Variants in NICOL1 observed in about 807,000 individuals in gnomAD.
NICOL1 encodes NELL2-interacting cell ontogeny regulator 1.
the NICOL1 span, chr4:2,042,064 C>G: frequency 2.8e-5 from 42 of 1,477,990 alleles, no homozygotes; most frequent in Non-Finnish European, 3.6e-5. Flanking sequence ...GGTCCCTGAA[C>G]CGCGGTAAGG....
the NICOL1 span, among the ~76,000 whole-genome samples, chr4:2,043,215 G>A: frequency 6.6e-6 from 1 of 152,182 alleles, no homozygotes; most frequent in Admixed American, 6.5e-5. Context: ...AGGATGTGGC[G>A]AAAGTGTCAG....
At chr4:2,037,714 A>G in the NICOL1 span, among the ~76,000 whole-genome samples, 1 of 152,148 alleles carries the variant, frequency 6.6e-6, no homozygotes, top group Non-Finnish European at 1.5e-5. Context: ...GTAATTTGAA[A>G]TCTTAAAGTT....
the NICOL1 span, chr4:2,041,880 G>A: frequency 3.4e-6 from 4 of 1,160,262 alleles, no homozygotes; most frequent in Admixed American, 8.0e-5. Context: ...CCAGGGCCAG[G>A]CACACCCGAT....
the NICOL1 span, among the ~76,000 whole-genome samples, chr4:2,037,398 C>T: frequency 1.3e-5 from 2 of 152,316 alleles, no homozygotes; most frequent in African/African-American, 4.8e-5. Context: ...TCAGCCAATA[C>T]ACTTCTAAAT....
the NICOL1 span, among the ~76,000 whole-genome samples, chr4:2,038,118 T>C: frequency 3.3e-5 from 5 of 150,456 alleles, no homozygotes; most frequent in African/African-American, 1.2e-4. Context: ...TTTTCACTTA[T>C]ATTTTTGTTA....
chr4:2,041,893 C>T, the NICOL1 span: 2 of 1,267,794 alleles, frequency 1.6e-6, no homozygotes, highest in Non-Finnish European at 2.1e-6. Context: ...CACCCGATTC[C>T]TGGAGCGTCC....
the NICOL1 span, among the ~76,000 whole-genome samples, chr4:2,043,594 C>G: frequency 6.6e-6 from 1 of 152,130 alleles, no homozygotes; most frequent in Non-Finnish European, 1.5e-5. Context: ...ACAGTGGACC[C>G]CTGCGGGTGG....
chr4:2,037,742 A>G, the NICOL1 span, among the ~76,000 whole-genome samples: 2 of 152,062 alleles, frequency 1.3e-5, no homozygotes, highest in South Asian at 4.1e-4. Flanking sequence ...GATAAATTAA[A>G]TGATATTCAT....
the NICOL1 span, chr4:2,042,584 C>A: frequency 0.23 from 113,894 of 497,836 alleles, 14,036 homozygotes; most frequent in East Asian, 0.35. Context: ...CGCCTTTGTT[C>A]CCGGGAGCGG....
chr4:2,041,648 A>C, the NICOL1 span: 1 of 254,676 alleles, frequency 3.9e-6, no homozygotes, highest in Non-Finnish European at 7.5e-6. Flanking sequence ...GTCGGAGGCC[A>C]AGCGTTTGCA....
the NICOL1 span, chr4:2,042,023 T>A: frequency 6.8e-7 from 1 of 1,472,786 alleles, no homozygotes. Flanking sequence ...ACGCGGAACG[T>A]CTGCCGGTGT....
the NICOL1 span, chr4:2,041,912 T>G: frequency 1.1e-5 from 15 of 1,388,454 alleles, no homozygotes; most frequent in Non-Finnish European, 1.3e-5. Context: ...CCTAGGTTCC[T>G]CTAAACCCGC....
chr4:2,042,495 G>A, the NICOL1 span: 2 of 414,610 alleles, frequency 4.8e-6, no homozygotes, highest in Non-Finnish European at 8.4e-6. Flanking sequence ...GTAGGTGCCG[G>A]GGGCCGGGTT....
the NICOL1 span, among the ~76,000 whole-genome samples, chr4:2,040,504 G>A: frequency 1.4e-4 from 22 of 152,348 alleles, no homozygotes; most frequent in African/African-American, 4.6e-4. Flanking sequence ...CGTCCCCGGA[G>A]GCACGTCCCC....
chr4:2,042,028 C>T, the NICOL1 span: 10 of 1,474,598 alleles, frequency 6.8e-6, no homozygotes, highest in Admixed American at 1.1e-4. Flanking sequence ...GAACGTCTGC[C>T]GGTGTCCCCG....
chr4:2,042,606 C>A, the NICOL1 span: 1 of 531,816 alleles, frequency 1.9e-6, no homozygotes, highest in Non-Finnish European at 3.2e-6. Context: ...TCCTCCCCTT[C>A]GCGGGAGATG....
chr4:2,043,298 G>A, the NICOL1 span, among the ~76,000 whole-genome samples: 1 of 152,174 alleles, frequency 6.6e-6, no homozygotes. Context: ...GCCCCTCCAA[G>A]CCTGGATGAA....
chr4:2,041,956 C>G, the NICOL1 span: 1 of 1,451,606 alleles, frequency 6.9e-7, no homozygotes, highest in Non-Finnish European at 9.0e-7. Context: ...ATGACGACGA[C>G]GTCGGATGGG....
the NICOL1 span, among the ~76,000 whole-genome samples, chr4:2,041,423 C>T: frequency 6.6e-6 from 1 of 152,138 alleles, no homozygotes; most frequent in Admixed American, 6.5e-5. Flanking sequence ...AGCGGTTCTC[C>T]GGTCTCCGAG....
Sources: gnomAD v4.1 joint callset for allele counts (sites outside exome capture counted in the v4.1 genomes callset) on GRCh38, gnomAD v4.1.1 for gene constraint, MANE v1.5 for transcripts, NCBI Gene and HGNC (gene_info 2026-07-23, HGNC 2026-07-21) for gene names.